Variants in ENTREP2 observed in about 807,000 individuals in gnomAD.
ENTREP2 encodes the protein endosomal transmembrane epsin interactor 2, also known as protein ENTREP2.
chr15:29,413,106 T>C, the ENTREP2 span, among the ~76,000 whole-genome samples: 1 of 152,162 alleles, frequency 6.6e-6, no homozygotes, highest in Non-Finnish European at 1.5e-5. Flanking sequence ...TCTAACTTAA[T>C]TAAATTGTGG....
chr15:29,347,186 C>A, the ENTREP2 span, among the ~76,000 whole-genome samples: 6 of 144,410 alleles, frequency 4.2e-5, no homozygotes, highest in Non-Finnish European at 6.1e-5. Flanking sequence ...TTCTTTCTTT[C>A]TTTTTTGAGA....
the ENTREP2 span, among the ~76,000 whole-genome samples, chr15:29,280,286 G>T: frequency 6.6e-6 from 1 of 152,222 alleles, no homozygotes; most frequent in East Asian, 1.9e-4. Flanking sequence ...CCCCCTGAGT[G>T]AGGAGCCCCC....
chr15:29,366,332 C>T, the ENTREP2 span, among the ~76,000 whole-genome samples: 1 of 152,206 alleles, frequency 6.6e-6, no homozygotes, highest in Admixed American at 6.5e-5. Flanking sequence ...GCCTCGGCCT[C>T]CCAAACTGCT....
At chr15:29,187,072 C>T in the ENTREP2 span, among the ~76,000 whole-genome samples, 15 of 152,202 alleles carry the variant, frequency 9.9e-5, no homozygotes, top group East Asian at 2.5e-3. Flanking sequence ...TAGATGCTAC[C>T]GTTCTTTTCC....
chr15:29,191,800 G>A, the ENTREP2 span, among the ~76,000 whole-genome samples: 1 of 152,218 alleles, frequency 6.6e-6, no homozygotes, highest in African/African-American at 2.4e-5. Context: ...TACAGTCCCA[G>A]CTACTTGGGA....
At chr15:29,538,157 G>A in the ENTREP2 span, among the ~76,000 whole-genome samples, 1 of 152,086 alleles carries the variant, frequency 6.6e-6, no homozygotes, top group Admixed American at 6.5e-5. Flanking sequence ...TCTGGGATAG[G>A]GTCTGCCACA....
At chr15:29,159,297 G>A in the ENTREP2 span, among the ~76,000 whole-genome samples, 1 of 152,148 alleles carries the variant, frequency 6.6e-6, no homozygotes, top group Non-Finnish European at 1.5e-5. Context: ...CGATAGGTTC[G>A]TGGTCTCGCT....
chr15:29,223,026 GGTCA>G, the ENTREP2 span, among the ~76,000 whole-genome samples: 13 of 152,238 alleles, frequency 8.5e-5, no homozygotes, highest in East Asian at 1.4e-3. Flanking sequence ...CTGGACACCT[GGTCA>G]GTCCTTAACA....
At chr15:29,509,146 T>A in the ENTREP2 span, among the ~76,000 whole-genome samples, 1 of 152,122 alleles carries the variant, frequency 6.6e-6, no homozygotes, top group Non-Finnish European at 1.5e-5. Flanking sequence ...AAACTCCCAT[T>A]CACAATTGCT....
chr15:29,278,195 G>A, the ENTREP2 span, among the ~76,000 whole-genome samples: 1 of 151,466 alleles, frequency 6.6e-6, no homozygotes, highest in Non-Finnish European at 1.5e-5. Context: ...GGTAATCAGA[G>A]GCCATGGGTT....
At chr15:29,639,729 T>C in the ENTREP2 span, among the ~76,000 whole-genome samples, 1 of 149,278 alleles carries the variant, frequency 6.7e-6, no homozygotes, top group African/African-American at 2.5e-5. Context: ...AGAAAAACAA[T>C]AGAGAAAATC....
chr15:29,530,660 A>G, the ENTREP2 span, among the ~76,000 whole-genome samples: 1 of 152,156 alleles, frequency 6.6e-6, no homozygotes, highest in African/African-American at 2.4e-5. Flanking sequence ...GTGGAGGTGC[A>G]AGCACCCAGT....
At chr15:29,425,030 TTTTG>T in the ENTREP2 span, among the ~76,000 whole-genome samples, 1 of 151,822 alleles carries the variant, frequency 6.6e-6, no homozygotes, top group African/African-American at 2.4e-5. Context: ...GTTGTTGTTG[TTTTG>T]TTTTTGTTTT....
chr15:29,316,358 G>C, the ENTREP2 span, among the ~76,000 whole-genome samples: 1 of 152,138 alleles, frequency 6.6e-6, no homozygotes, highest in South Asian at 2.1e-4. Flanking sequence ...AAGAGAGACA[G>C]AGAGACTTAA....
At chr15:29,320,202 C>G in the ENTREP2 span, among the ~76,000 whole-genome samples, 1 of 152,092 alleles carries the variant, frequency 6.6e-6, no homozygotes, top group South Asian at 2.1e-4. Flanking sequence ...TAAAACACAC[C>G]ACACACACAC....
At chr15:29,506,828 C>T in the ENTREP2 span, among the ~76,000 whole-genome samples, 1 of 152,194 alleles carries the variant, frequency 6.6e-6, no homozygotes, top group East Asian at 1.9e-4. Context: ...ACTATCAACA[C>T]TATGAAGAAA....
the ENTREP2 span, among the ~76,000 whole-genome samples, chr15:29,599,982 A>G: frequency 1.3e-5 from 2 of 152,204 alleles, no homozygotes; most frequent in Non-Finnish European, 2.9e-5. Context: ...CTGTAAAGCC[A>G]TAAAATAAGT....
At chr15:29,563,748 A>T in the ENTREP2 span, among the ~76,000 whole-genome samples, 1 of 152,082 alleles carries the variant, frequency 6.6e-6, no homozygotes, top group Non-Finnish European at 1.5e-5. Flanking sequence ...GAGGCAGGAG[A>T]ATCGCTTGAA....
chr15:29,610,825 A>C, the ENTREP2 span: 6 of 137,278 alleles, frequency 4.4e-5, 1 homozygote, highest in Admixed American at 4.6e-4. Flanking sequence ...GAAACCTGGG[A>C]CTCTTCCTCC....
Sources: gnomAD v4.1 joint callset for allele counts (sites outside exome capture counted in the v4.1 genomes callset) on GRCh38, gnomAD v4.1.1 for gene constraint, MANE v1.5 for transcripts, NCBI Gene and HGNC (gene_info 2026-07-23, HGNC 2026-07-21) for gene names.